Variants in ENOX1 observed in about 807,000 individuals in gnomAD.
The protein encoded by ENOX1 is candidate growth-related and time keeping constitutive hydroquinone (NADH) oxidase.
A neutral mutation model predicts 82.5 loss-of-function variants in ENOX1; 42 were observed. The observed-to-expected ratio is 0.51, with a 90% confidence interval of 0.40 to 0.66. The LOEUF is 0.66. Among genes scored for constraint, ENOX1 ranks in the 30% least tolerant of loss-of-function variants. The pLI, the probability that ENOX1 is intolerant of heterozygous loss-of-function variation, is 0.00. For synonymous variants in ENOX1, 271 were observed against 282.2 expected (o/e 0.96, Z 0.40); for missense variants, 608 against 811.6 (o/e 0.75, Z 3.05).
At chr13:43,254,567 A>G (rs545931370) in intron 14 of ENOX1, among the ~76,000 whole-genome samples, 101 of 152,238 alleles carry the variant, frequency 6.6e-4, no homozygotes, top group Non-Finnish European at 8.2e-4. Context: ...AGCTGAATTA[A>G]CCAATACATT....
chr13:43,658,584 T>A (rs966862472), intron 2 of ENOX1, among the ~76,000 whole-genome samples: 1 of 152,340 alleles, frequency 6.6e-6, no homozygotes, highest in Admixed American at 6.5e-5. Context: ...TATGTACTTA[T>A]CATGATGCTA....
intron 5 of ENOX1, among the ~76,000 whole-genome samples, chr13:43,405,283 G>A (rs978908097): frequency 2.6e-5 from 4 of 152,180 alleles, no homozygotes; most frequent in Non-Finnish European, 5.9e-5. Context: ...CTGCAGGGTA[G>A]GCTGAAACTT....
chr13:43,351,288 C>G (rs1172298493), intron 8 of ENOX1, among the ~76,000 whole-genome samples: 10 of 152,206 alleles, frequency 6.6e-5, no homozygotes, highest in Admixed American at 6.5e-4. Context: ...CCAAAACACA[C>G]ATGCAATCTC....
intron 5 of ENOX1, among the ~76,000 whole-genome samples, chr13:43,407,704 C>T (rs2053881749): frequency 1.3e-5 from 2 of 152,126 alleles, no homozygotes; most frequent in South Asian, 2.1e-4. Context: ...AATTTATCTA[C>T]GTTTAACCCA....
chr13:43,410,539 C>T (rs1340165730), intron 5 of ENOX1, among the ~76,000 whole-genome samples: 1 of 151,454 alleles, frequency 6.6e-6, no homozygotes, highest in Non-Finnish European at 1.5e-5. Flanking sequence ...GGTCTCTTAT[C>T]CATTTTCATA....
intron 1 of ENOX1, among the ~76,000 whole-genome samples, chr13:43,691,228 T>G (rs574910083): frequency 3.3e-5 from 5 of 152,110 alleles, no homozygotes; most frequent in Non-Finnish European, 7.3e-5. Context: ...GCATCATTTT[T>G]CATAAGTAAG....
At chr13:43,290,032 T>A (rs867342255) in intron 12 of ENOX1, among the ~76,000 whole-genome samples, 2 of 152,110 alleles carry the variant, frequency 1.3e-5, no homozygotes, top group South Asian at 4.1e-4. Flanking sequence ...AGATACCATC[T>A]CACACCAGTC....
chr13:43,661,171 A>G (rs983399636), intron 2 of ENOX1, among the ~76,000 whole-genome samples: 9 of 152,230 alleles, frequency 5.9e-5, no homozygotes, highest in African/African-American at 2.2e-4. Context: ...CAAGTCTCCA[A>G]CACTATTTAT....
intron 5 of ENOX1, among the ~76,000 whole-genome samples, chr13:43,367,526 C>T (rs1223488173): frequency 6.6e-6 from 1 of 152,066 alleles, no homozygotes; most frequent in African/African-American, 2.4e-5. Flanking sequence ...TCAAGGATCA[C>T]CCAGGATAGC....
At chr13:43,291,310 T>C (rs1340918755) in intron 12 of ENOX1, among the ~76,000 whole-genome samples, 1 of 152,240 alleles carries the variant, frequency 6.6e-6, no homozygotes, top group Non-Finnish European at 1.5e-5. Flanking sequence ...AGGCGTGCCC[T>C]GCTCTGGACC....
At chr13:43,249,010 A>T (rs939677923) in intron 14 of ENOX1, among the ~76,000 whole-genome samples, 1 of 152,216 alleles carries the variant, frequency 6.6e-6, no homozygotes, top group Non-Finnish European at 1.5e-5. Context: ...TTTCCCATTA[A>T]ATACTAAGAG....
At chr13:43,397,856 G>C (rs1232181378) in intron 5 of ENOX1, among the ~76,000 whole-genome samples, 1 of 152,208 alleles carries the variant, frequency 6.6e-6, no homozygotes, top group Non-Finnish European at 1.5e-5. Context: ...AAATACTACA[G>C]ACTAGGTAGC....
chr13:43,305,791 C>T (rs951832989), intron 11 of ENOX1, among the ~76,000 whole-genome samples: 1 of 152,230 alleles, frequency 6.6e-6, no homozygotes, highest in African/African-American at 2.4e-5. Flanking sequence ...CTTGCAAAAG[C>T]AGGATAAGTC....
chr13:43,386,292 C>T (rs564298009), intron 5 of ENOX1, among the ~76,000 whole-genome samples: 2 of 152,322 alleles, frequency 1.3e-5, no homozygotes, highest in African/African-American at 4.8e-5. Context: ...TGTGTCCTTA[C>T]AGGGATGTGC....
chr13:43,765,777 G>T (rs1407402915), intron 1 of ENOX1, among the ~76,000 whole-genome samples: 1 of 152,086 alleles, frequency 6.6e-6, no homozygotes. Flanking sequence ...TACCCAGTTC[G>T]TTCAGAAATC....
At chr13:43,622,374 G>A (rs1319162955) in intron 2 of ENOX1, among the ~76,000 whole-genome samples, 1 of 152,178 alleles carries the variant, frequency 6.6e-6, no homozygotes, top group African/African-American at 2.4e-5. Flanking sequence ...ATTTGGGTAG[G>A]CTCTGTCAGA....
chr13:43,728,981 T>G (rs527800695), intron 1 of ENOX1, among the ~76,000 whole-genome samples: 13 of 152,334 alleles, frequency 8.5e-5, no homozygotes, highest in African/African-American at 3.1e-4. Flanking sequence ...TAGCTAAGCT[T>G]CTGATGTGTT....
At chr13:43,590,366 G>T (rs2081189270) in intron 2 of ENOX1, among the ~76,000 whole-genome samples, 1 of 152,130 alleles carries the variant, frequency 6.6e-6, no homozygotes, top group South Asian at 2.1e-4. Flanking sequence ...GATCGAAAAT[G>T]AGAAGGAACA....
chr13:43,254,117 ACT>A (rs143959771), intron 14 of ENOX1, among the ~76,000 whole-genome samples: 111 of 152,028 alleles, frequency 7.3e-4, no homozygotes, highest in African/African-American at 2.7e-3. Flanking sequence ...TAAATTAATC[ACT>A]CTTCTTAATC....
Sources: allele counts gnomAD v4.1 joint callset (sites outside exome capture counted in the v4.1 genomes callset), GRCh38; gene constraint gnomAD v4.1.1; transcripts MANE v1.5; gene names NCBI Gene and HGNC (gene_info 2026-07-23, HGNC 2026-07-21).